The following CHD6 variants were observed in gnomAD, a reference collection of about 807,000 sequenced individuals.
The protein encoded by CHD6 is chromodomain helicase DNA binding protein 6, also known as ATP-dependent chromatin remodeler CHD6.
CHD6 carries 50 observed loss-of-function variants against 276.9 expected under a neutral mutation model. That is an observed-to-expected ratio of 0.18 (90% CI 0.14 to 0.23). The LOEUF is 0.23. Among genes scored for constraint, CHD6 ranks in the 10% least tolerant of loss-of-function variants. The probability of loss-of-function intolerance (pLI) is 1.00; values close to 1 mark genes in which losing one functional copy is unlikely to be tolerated. For synonymous variants in CHD6, 1,173 were observed against 1,229.3 expected (o/e 0.95, Z 0.96); for missense variants, 2,564 against 3,365.8 (o/e 0.76, Z 5.89).
At chr20:41,603,450 C>CA (rs1478773648) in intron 1 of CHD6, among the ~76,000 whole-genome samples, 1 of 152,192 alleles carries the variant, frequency 6.6e-6, no homozygotes. Context: ...TGCAAGATTA[C>CA]AAAACTCTAG....
At position 41,412,188 on chromosome 20, in the gene CHD6, C is replaced by T. The variant is rs559255385; in HGVS notation, c.7207G>A (p.Gly2403Arg). 4.3e-5 allele frequency: 69 copies of T among 1,614,244 alleles called. No homozygotes were observed. The East Asian group carries it at 5.8e-4, about 14-fold the overall frequency. The stretch of plus-strand genomic sequence containing the variant: ...GGGATGGCAGGAACTCTCTCTTCCC[C>T]GCTCAGGGAGCTGACATCTAATTTT... ...PGKLDVSSLS[G>R]EERVPAIPKE... Residue 2403 changes from glycine (G) to arginine (R), a missense_variant, in exon 36 of 37, where the codon GGG becomes AGG. By Grantham distance (125) the Gly-to-Arg change is moderately radical. Coordinates refer to ENST00000373233, the MANE Select transcript of CHD6 (RefSeq NM_032221.5).
chr20:41,476,093 A>AAATT (rs1401933545), intron 16 of CHD6, among the ~76,000 whole-genome samples: 2 of 152,114 alleles, frequency 1.3e-5, no homozygotes, highest in African/African-American at 4.8e-5. Flanking sequence ...GTCTGGCATG[A>AAATT]AATTAAATGG....
At chr20:41,617,808 C>G (rs945462969) in intron 1 of CHD6, among the ~76,000 whole-genome samples, 2 of 151,814 alleles carry the variant, frequency 1.3e-5, no homozygotes, top group African/African-American at 4.8e-5. Context: ...AGCCTGGCAC[C>G]AGCCCACCCT....
At position 41,493,610 on chromosome 20, in the gene CHD6, T is replaced by C; in HGVS notation, c.1242A>G (p.Leu414=). 6.2e-7 allele frequency: 1 copy of C among 1,613,892 alleles called. No individual in the cohort carries two copies. Among genetic ancestry groups the C allele is most frequent in the Non-Finnish European group, 8.5e-7 (1 of 1,179,808 alleles). The change falls in exon 10 of 37, where the codon CTA becomes CTG. Residue 414 remains leucine, a synonymous_variant. Coordinates refer to ENST00000373233, the MANE Select transcript of CHD6 (RefSeq NM_032221.5). ...SLPYEESTWE[L]EEDVDPAKVK... is the part of the protein sequence containing the mutation. ...CTTTTGCAGGATCTACATCTTCCTC[T>C]AGCTCCCACGTGCTTTCTTCATATG...
At chr20:41,461,155 C>A (rs759915450) in intron 17 of CHD6, among the ~76,000 whole-genome samples, 1 of 152,240 alleles carries the variant, frequency 6.6e-6, no homozygotes, top group African/African-American at 2.4e-5. Context: ...GTATCCAAAT[C>A]ATATCTAGAA....
At chr20:41,530,839 A>G (rs1232043764) in intron 3 of CHD6, among the ~76,000 whole-genome samples, 2 of 152,200 alleles carry the variant, frequency 1.3e-5, no homozygotes, top group African/African-American at 2.4e-5. Context: ...GCCTCCTCTA[A>G]TAGGGTGTCT....
intron 3 of CHD6, among the ~76,000 whole-genome samples, chr20:41,524,229 G>GT (rs372151363): frequency 6.6e-6 from 1 of 152,150 alleles, no homozygotes; most frequent in East Asian, 1.9e-4. Flanking sequence ...CATAATACCG[G>GT]TATTAACTGA....
intron 1 of CHD6, among the ~76,000 whole-genome samples, chr20:41,585,167 TG>T (rs550300570): frequency 2.2e-4 from 34 of 152,258 alleles, no homozygotes; most frequent in Admixed American, 2.2e-3. Flanking sequence ...TTAGATAAGT[TG>T]AATAACTCCA....
chr20:41,412,927 C>G (rs2046885290), intron 35 of CHD6, among the ~76,000 whole-genome samples: 1 of 152,150 alleles, frequency 6.6e-6, no homozygotes, highest in African/African-American at 2.4e-5. Context: ...GACAGATGGT[C>G]CCCCAACCAC....
At chr20:41,556,896 T>C (rs1340054120) in intron 1 of CHD6, among the ~76,000 whole-genome samples, 1 of 152,206 alleles carries the variant, frequency 6.6e-6, no homozygotes, top group African/African-American at 2.4e-5. Flanking sequence ...AACAATGTCA[T>C]CTTTTTGTAA....
rs2048263321 is a variant in CHD6, at chr20:41,452,327, G to A, written c.3324-302C>T. ...ATTTGGAATCAAAAAGAGTCCAACAGCACTATTCAAAAGCAATGATGAGCT... is the reference window on the plus strand; with the variant it reads ...ATTTGGAATCAAAAAGAGTCCAACAACACTATTCAAAAGCAATGATGAGCT... On this transcript the variant is annotated intron_variant, in intron 21 of 36. Coordinates refer to ENST00000373233, the MANE Select transcript of CHD6 (RefSeq NM_032221.5). This position sits in a 1 kb window ranked among gnomAD's most constrained non-coding sequence, Gnocchi z 4.2. 6.6e-6 allele frequency among the ~76,000 whole-genome samples: 1 copy of A among 152,198 alleles called. No individual in the cohort carries two copies. Among genetic ancestry groups the A allele is most frequent in the Non-Finnish European group, 1.5e-5 (1 of 68,048 alleles).
intron 1 of CHD6, among the ~76,000 whole-genome samples, chr20:41,590,728 G>A (rs1454116801): frequency 6.6e-6 from 1 of 152,160 alleles, no homozygotes; most frequent in Non-Finnish European, 1.5e-5. Context: ...TGGAGAGGAT[G>A]TGGAGAAATA....
chr20:41,535,735 G>A (rs989313152), intron 2 of CHD6, among the ~76,000 whole-genome samples: 12 of 152,038 alleles, frequency 7.9e-5, no homozygotes, highest in Admixed American at 7.2e-4. Flanking sequence ...CAGTGGTGGT[G>A]CACACCTGTA....
chr20:41,601,397 T>C (rs1601186040), intron 1 of CHD6, among the ~76,000 whole-genome samples: 1 of 152,186 alleles, frequency 6.6e-6, no homozygotes, highest in Non-Finnish European at 1.5e-5. Context: ...TGGTATTTCC[T>C]AGATAAGGCA....
chr20:41,609,846 T>G (rs1473566828), intron 1 of CHD6, among the ~76,000 whole-genome samples: 1 of 149,522 alleles, frequency 6.7e-6, no homozygotes, highest in Non-Finnish European at 1.5e-5. Flanking sequence ...TCCTTTTTTT[T>G]TCTTTTTTCT....
chr20:41,508,737 G>A (rs1332458288), intron 5 of CHD6, among the ~76,000 whole-genome samples: 1 of 152,008 alleles, frequency 6.6e-6, no homozygotes, highest in African/African-American at 2.4e-5. Flanking sequence ...ACGAAGCTAC[G>A]GCAATGTCAA....
chr20:41,425,712 C>A (rs898016440), intron 28 of CHD6, among the ~76,000 whole-genome samples: 1 of 151,944 alleles, frequency 6.6e-6, no homozygotes, highest in African/African-American at 2.4e-5. Context: ...CTTCCAATTA[C>A]CAAAGCTCCT....
At position 41,426,836 on chromosome 20, in the gene CHD6, C is replaced by T. The variant is rs141937812; in HGVS notation, c.4069-683G>A. On this transcript the variant is annotated intron_variant, in intron 27 of 36. Transcript: ENST00000373233. ...CAGGAATGGAACTTTAAAAACTCCT[C>T]ATATGTAATTCAGGTGGGAATCTGA... 2.7e-3 allele frequency among the ~76,000 whole-genome samples: 418 copies of T among 152,284 alleles called. 2 individuals are homozygous for T. Among genetic ancestry groups the T allele is most frequent in the Middle Eastern group, 0.024 (7 of 294 alleles).
intron 19 of CHD6, among the ~76,000 whole-genome samples, 169 bp from the exon 20 acceptor site, chr20:41,454,905 A>G (rs887202726): frequency 6.6e-6 from 1 of 152,210 alleles, no homozygotes; most frequent in African/African-American, 2.4e-5. Flanking sequence ...TTCTTTTTTT[A>G]CCTTTTATTT....
Sources: allele counts gnomAD v4.1 joint callset (sites outside exome capture counted in the v4.1 genomes callset), GRCh38; gene constraint gnomAD v4.1.1; non-coding constraint Gnocchi (gnomAD v3.1); transcripts MANE v1.5; gene names NCBI Gene and HGNC (gene_info 2026-07-23, HGNC 2026-07-21).